Variants in FFAR1 observed in about 807,000 individuals in gnomAD.
The protein encoded by FFAR1 is free fatty acid receptor 1.
For missense variants in FFAR1, 424 were observed against 396.2 expected (o/e 1.07, Z -0.60); for synonymous variants, 216 against 201.5 (o/e 1.07, Z -0.61).
chr19:35,351,862 G>C (rs753588393), exon 1 of FFAR1: 1 of 1,613,562 alleles, frequency 6.2e-7, no homozygotes, highest in South Asian at 1.1e-5. Flanking sequence ...AGTGCAGGCC[G>C]CTACCTGGGA....
upstream of FFAR1, among the ~76,000 whole-genome samples, chr19:35,348,003 G>A (rs1568494544): frequency 6.6e-6 from 1 of 152,194 alleles, no homozygotes; most frequent in African/African-American, 2.4e-5. Context: ...TCCGCTTCTC[G>A]GGTTTGATCT....
chr19:35,353,086 C>T (rs970994120), exon 1 of FFAR1: 79 of 148,386 alleles, frequency 5.3e-4, no homozygotes, highest in Non-Finnish European at 9.8e-4. Flanking sequence ...CCGAACCCCA[C>T]GCAGTGGAAA....
upstream of FFAR1, among the ~76,000 whole-genome samples, chr19:35,348,452 A>G (rs973326553): frequency 4.6e-5 from 7 of 152,210 alleles, no homozygotes; most frequent in Non-Finnish European, 8.8e-5. Flanking sequence ...TACAAAAATT[A>G]GCTGAGCGTG....
chr19:35,352,822 C>A, exon 1 of FFAR1: 2 of 327,558 alleles, frequency 6.1e-6, no homozygotes, highest in Non-Finnish European at 1.2e-5. Flanking sequence ...AACTGCCACT[C>A]CGGTGATGCA....
At chr19:35,349,683 A>G (rs2066936317), upstream of FFAR1, among the ~76,000 whole-genome samples, 2 of 152,152 alleles carry the variant, frequency 1.3e-5, no homozygotes, top group South Asian at 4.1e-4. Flanking sequence ...GGCCACACAG[A>G]GAGAGGTTTA....
At chr19:35,348,506 GGA>G (rs1172671091), upstream of FFAR1, among the ~76,000 whole-genome samples, 1 of 152,216 alleles carries the variant, frequency 6.6e-6, no homozygotes, top group Non-Finnish European at 1.5e-5. Context: ...GGCTGAGGCA[GGA>G]GAGTCGCTTG....
chr19:35,349,934 T>C (rs1243996002), upstream of FFAR1, among the ~76,000 whole-genome samples: 1 of 152,128 alleles, frequency 6.6e-6, no homozygotes, highest in Non-Finnish European at 1.5e-5. Flanking sequence ...AAATCTTCCT[T>C]AGGTCCTCCT....
chr19:35,352,039 C>G (rs773272438), exon 1 of FFAR1: 8 of 1,613,864 alleles, frequency 5.0e-6, no homozygotes, highest in Non-Finnish European at 6.8e-6. Context: ...ATCAACACAC[C>G]GGTCAACGGC....
exon 1 of FFAR1, chr19:35,351,910 C>T: frequency 6.2e-7 from 1 of 1,614,104 alleles, no homozygotes; most frequent in Non-Finnish European, 8.5e-7. Flanking sequence ...TTCCGGAGGC[C>T]GTGCTATTCC....
exon 1 of FFAR1, chr19:35,352,168 T>C (rs553007692): frequency 6.2e-7 from 1 of 1,608,746 alleles, no homozygotes; most frequent in Non-Finnish European, 8.5e-7. Context: ...GTGGGCTGCC[T>C]CCGGGCACTG....
At chr19:35,352,190 C>A in exon 1 of FFAR1, 3 of 1,603,276 alleles carry the variant, frequency 1.9e-6, no homozygotes, top group Non-Finnish European at 2.5e-6. Flanking sequence ...CCCGCTCCGG[C>A]CTGACGCACA....
exon 1 of FFAR1, chr19:35,351,732 C>T (rs768508851): frequency 2.6e-6 from 4 of 1,564,298 alleles, no homozygotes; most frequent in Non-Finnish European, 3.5e-6. Flanking sequence ...CTCTCTGCCC[C>T]TGAAGGCGGT....
chr19:35,352,064 G>C (rs1349382162), exon 1 of FFAR1: 1 of 1,613,534 alleles, frequency 6.2e-7, no homozygotes, highest in Admixed American at 1.7e-5. Flanking sequence ...CGGTCTGCCT[G>C]GAGGCCTGGG....
rs550402103 is a variant in FFAR1 at position 35,352,739 on chromosome 19, T to C, written c.*285T>C. 3 of 493,956 alleles carry C rather than the reference T, an allele frequency of 6.1e-6. No homozygotes were observed. In the East Asian group the frequency reaches 1.1e-4, roughly 17 times the overall value. 30.6% of individuals were successfully genotyped at this position (493,956 alleles called of 1,614,324 possible). A position where few individuals can be genotyped will look rare whatever the true frequency, so the allele number is the denominator to read the frequency against. On this transcript the variant is annotated 3_prime_UTR_variant, in exon 1 of 1. Coordinates refer to ENST00000246553, the Ensembl canonical transcript of FFAR1. ...TCCCCTCTGCACGTCCTCACCTGCC[T>C]GTCTTCCGTGGGCCGCGAGCAGAGG...
chr19:35,350,069 C>T (rs940981466), upstream of FFAR1, among the ~76,000 whole-genome samples: 1 of 152,168 alleles, frequency 6.6e-6, no homozygotes, highest in Non-Finnish European at 1.5e-5. Flanking sequence ...CCCCCAGTGT[C>T]CCCAGCCATG....
At chr19:35,351,755 C>T in exon 1 of FFAR1, 3 of 1,565,922 alleles carry the variant, frequency 1.9e-6, no homozygotes, top group East Asian at 2.4e-5. Context: ...AGGCGCTAGC[C>T]TCCGGGGCCT....
upstream of FFAR1, among the ~76,000 whole-genome samples, chr19:35,350,921 A>T (rs113233684): frequency 8.0e-3 from 1,214 of 152,154 alleles, 21 homozygotes; most frequent in African/African-American, 0.028. Context: ...GCCCCTGAGA[A>T]CTGCTAAGCT....
At chr19:35,351,050 G>A (rs2066942155), upstream of FFAR1, among the ~76,000 whole-genome samples, 1 of 152,096 alleles carries the variant, frequency 6.6e-6, no homozygotes, top group Admixed American at 6.5e-5. Context: ...CTGCCCCGCC[G>A]GCTTTCCAAT....
upstream of FFAR1, among the ~76,000 whole-genome samples, chr19:35,350,356 C>T (rs1401462987): frequency 6.6e-6 from 1 of 152,256 alleles, no homozygotes; most frequent in Non-Finnish European, 1.5e-5. Flanking sequence ...TTACCCCACA[C>T]ACCCACTGCC....
Sources: allele counts gnomAD v4.1 joint callset (sites outside exome capture counted in the v4.1 genomes callset), GRCh38; gene constraint gnomAD v4.1.1; transcripts MANE v1.5; gene names NCBI Gene and HGNC (gene_info 2026-07-23, HGNC 2026-07-21).